The following PALLD variants were observed in gnomAD, a reference collection of about 807,000 sequenced individuals.
The protein encoded by PALLD is palladin, cytoskeletal associated protein.
Under a neutral mutation model 123.5 loss-of-function variants are expected in PALLD, and 61 were observed. That is an observed-to-expected ratio of 0.49 (90% CI 0.40 to 0.61). The LOEUF (loss-of-function observed/expected upper bound fraction) is 0.61, where lower values mean the gene tolerates loss of function less well. PALLD is among the 20% of genes least tolerant of loss of function. The pLI is 0.00. For missense variants in PALLD, 1,273 were observed against 1,377.0 expected, an observed-to-expected ratio of 0.92 and a Z score of 1.20; for synonymous variants, 465 against 496.4, an observed-to-expected ratio of 0.94 and a Z score of 0.84.
At chr4:168,868,300 AG>A (rs760896821) in intron 10 of PALLD, among the ~76,000 whole-genome samples, 2 of 152,228 alleles carry the variant, frequency 1.3e-5, no homozygotes, top group Non-Finnish European at 2.9e-5. Flanking sequence ...CACAAGGAAT[AG>A]GGTAGAAGCG....
At chr4:168,674,584 C>T (rs1035402723) in intron 3 of PALLD, among the ~76,000 whole-genome samples, 7 of 152,176 alleles carry the variant, frequency 4.6e-5, no homozygotes, top group African/African-American at 7.2e-5. Context: ...CAAGATGTGT[C>T]TGCTGCTGCT....
At chr4:168,891,123 A>C in intron 11 of PALLD, 66 bp downstream of exon 11, 1 of 1,469,560 alleles carries the variant, frequency 6.8e-7, no homozygotes, top group Non-Finnish European at 9.5e-7. Flanking sequence ...TCCTTTCTCT[A>C]AGACTTAGGT....
intron 10 of PALLD, among the ~76,000 whole-genome samples, chr4:168,714,684 A>G (rs1240889967): frequency 6.6e-6 from 1 of 152,174 alleles, no homozygotes; most frequent in African/African-American, 2.4e-5. Context: ...GGAAAGGCTT[A>G]TATTTGGTGG....
intron 2 of PALLD, chr4:168,631,779 A>G: frequency 1.0e-6 from 1 of 985,476 alleles, no homozygotes; most frequent in Non-Finnish European, 1.2e-6. Flanking sequence ...TCTCCGTTGC[A>G]TTCTGCAAAC....
At chr4:168,699,145 C>A (rs1783436118) in intron 8 of PALLD, among the ~76,000 whole-genome samples, 1 of 152,178 alleles carries the variant, frequency 6.6e-6, no homozygotes, top group East Asian at 1.9e-4. Context: ...GTGGCATGAT[C>A]TTGGTTCACT....
At chr4:168,830,660 T>A (rs1744077655) in intron 10 of PALLD, among the ~76,000 whole-genome samples, 1 of 152,210 alleles carries the variant, frequency 6.6e-6, no homozygotes, top group African/African-American at 2.4e-5. Context: ...GGGAGTAAAA[T>A]CACAGGGACA....
intron 10 of PALLD, among the ~76,000 whole-genome samples, chr4:168,824,469 T>C (rs772563786): frequency 2.0e-5 from 3 of 152,172 alleles, no homozygotes; most frequent in Non-Finnish European, 4.4e-5. Flanking sequence ...ACATAGCAGA[T>C]TGAACCAAAG....
At chr4:168,639,681 C>A (rs1354705258) in intron 2 of PALLD, among the ~76,000 whole-genome samples, 1 of 151,896 alleles carries the variant, frequency 6.6e-6, no homozygotes, top group Non-Finnish European at 1.5e-5. Context: ...GTAGCTGGGA[C>A]TACAGGCACC....
chr4:168,561,989 T>C (rs759600988), intron 2 of PALLD, among the ~76,000 whole-genome samples: 19 of 152,176 alleles, frequency 1.2e-4, no homozygotes, highest in Non-Finnish European at 2.8e-4. Flanking sequence ...CAAGGCACTT[T>C]TACAGACATT....
intron 2 of PALLD, among the ~76,000 whole-genome samples, chr4:168,622,754 T>C (rs980891575): frequency 5.9e-5 from 9 of 152,312 alleles, no homozygotes; most frequent in African/African-American, 2.2e-4. Flanking sequence ...AGATCATACT[T>C]CCGGTGCCTA....
chr4:168,802,263 C>T (rs116558875), intron 10 of PALLD, among the ~76,000 whole-genome samples: 95 of 152,304 alleles, frequency 6.2e-4, no homozygotes, highest in African/African-American at 2.2e-3. Context: ...AATAGGATCG[C>T]TCAAACAAAT....
chr4:168,558,596 A>G (rs1036850023), intron 2 of PALLD, among the ~76,000 whole-genome samples: 57 of 152,172 alleles, frequency 3.7e-4, no homozygotes, highest in African/African-American at 1.3e-3. Context: ...GATGCGCTGA[A>G]GGGCCCAAGA....
rs1285967566 is a variant in PALLD, at chr4:168,683,063, C to T, written c.1220C>T (p.Thr407Ile). 1 of 1,612,326 alleles carries T rather than the reference C, an allele frequency of 6.2e-7. No individual in the cohort carries two copies. The highest frequency in any genetic ancestry group is 1.3e-5 in the African/African-American group (1 of 75,012). Reference sequence around the variant, plus strand: ...TCATCATCTCCAAAGACAGGGGTGACCACAGCTGTGATTCAACCACTGTCT... The same window carrying T: ...TCATCATCTCCAAAGACAGGGGTGATCACAGCTGTGATTCAACCACTGTCT... ...IGSSSPKTGV[T>I]TAVIQPLSVP... The change falls in exon 5 of 22, where the codon ACC becomes ATC. Residue 407 changes from threonine to isoleucine, a missense_variant. Thr to Ile is a moderately conservative substitution (Grantham distance 89, BLOSUM62 -1). This residue lies in a region of PALLD where 944 missense variants were observed against 954.5 expected (regional missense o/e 0.99). Coordinates refer to ENST00000505667, the MANE Select transcript of PALLD (RefSeq NM_001166108.2).
intron 1 of PALLD, among the ~76,000 whole-genome samples, chr4:168,508,663 T>TA (rs1310382192): frequency 1.3e-5 from 2 of 152,060 alleles, no homozygotes; most frequent in African/African-American, 4.8e-5. Context: ...AATAAATAAA[T>TA]AACAAATAAA....
At chr4:168,796,515 G>A (rs1227903568) in intron 10 of PALLD, among the ~76,000 whole-genome samples, 2 of 152,194 alleles carry the variant, frequency 1.3e-5, no homozygotes, top group African/African-American at 2.4e-5. Context: ...CTAGAAGGGA[G>A]TCCATCTGGC....
intron 10 of PALLD, among the ~76,000 whole-genome samples, chr4:168,884,842 G>A (rs976888033): frequency 1.3e-5 from 2 of 152,018 alleles, no homozygotes; most frequent in African/African-American, 4.8e-5. Flanking sequence ...AATATTTTCT[G>A]TTTGCCACTT....
intron 10 of PALLD, among the ~76,000 whole-genome samples, chr4:168,746,025 A>G (rs998769236): frequency 6.6e-6 from 1 of 152,196 alleles, no homozygotes; most frequent in Non-Finnish European, 1.5e-5. Context: ...TCGGGAAATC[A>G]TGTGTCCAAA....
intron 2 of PALLD, among the ~76,000 whole-genome samples, chr4:168,577,945 G>A (rs1389264680): frequency 1.3e-5 from 2 of 151,890 alleles, no homozygotes; most frequent in African/African-American, 4.8e-5. Flanking sequence ...TGGGGGCGGG[G>A]CGGGGGGAAC....
chr4:168,724,428 G>A (rs1357818020), intron 10 of PALLD, among the ~76,000 whole-genome samples: 3 of 152,158 alleles, frequency 2.0e-5, no homozygotes, highest in Non-Finnish European at 4.4e-5. Context: ...TCTATTACAA[G>A]TATGAAACCA....
Sources: allele counts gnomAD v4.1 joint callset (sites outside exome capture counted in the v4.1 genomes callset), GRCh38; gene constraint gnomAD v4.1.1; regional missense constraint gnomAD v4.1.1; transcripts MANE v1.5; gene names NCBI Gene and HGNC (gene_info 2026-07-23, HGNC 2026-07-21).